Variants in DOCK5 observed in about 807,000 individuals in gnomAD.
DOCK5 encodes the protein dedicator of cytokinesis 5, also known as dedicator of cytokinesis protein 5.
In DOCK5, 142 loss-of-function variants were observed where a neutral mutation model predicts 251.8. That is an observed-to-expected ratio of 0.56 (90% CI 0.49 to 0.65). The LOEUF is 0.65. Ranked by LOEUF, DOCK5 falls within the 30% of genes least tolerant of loss-of-function variation. The pLI is 0.00. For missense variants in DOCK5, 2,111 were observed against 2,312.3 expected, an observed-to-expected ratio of 0.91 and a Z score of 1.79; for synonymous variants, 842 against 835.5, an observed-to-expected ratio of 1.01 and a Z score of -0.13.
intron 26 of DOCK5, among the ~76,000 whole-genome samples, chr8:25,351,186 T>A (rs1425158933): frequency 6.6e-6 from 1 of 152,116 alleles, no homozygotes; most frequent in Non-Finnish European, 1.5e-5. Flanking sequence ...GCCTCCCGAT[T>A]AGCTGGGACT....
chr8:25,278,178 C>CCA (rs1804097542), intron 4 of DOCK5, among the ~76,000 whole-genome samples: 1 of 152,180 alleles, frequency 6.6e-6, no homozygotes, highest in East Asian at 1.9e-4. Flanking sequence ...GACACTCGTG[C>CCA]CACACACACC....
intron 13 of DOCK5, among the ~76,000 whole-genome samples, chr8:25,311,011 T>C (rs1449365753): frequency 2.0e-5 from 3 of 152,174 alleles, no homozygotes; most frequent in Non-Finnish European, 2.9e-5. Flanking sequence ...GGCGCCTTGC[T>C]CTCTCCATTC....
chr8:25,225,568 T>C (rs1215351941), intron 1 of DOCK5, among the ~76,000 whole-genome samples: 1 of 151,968 alleles, frequency 6.6e-6, no homozygotes, highest in Non-Finnish European at 1.5e-5. Flanking sequence ...TAGCCGGGCG[T>C]GGTGGTGGGC....
chr8:25,272,084 A>G (rs1459813891), intron 3 of DOCK5, among the ~76,000 whole-genome samples: 1 of 152,244 alleles, frequency 6.6e-6, no homozygotes, highest in East Asian at 1.9e-4. Flanking sequence ...GCTGGAGTAC[A>G]GTGGCGTGAT....
In DOCK5 at chr8:25,323,593, C is replaced by T. The variant is rs1394392768; in HGVS notation, c.1616-255C>T. Among the ~76,000 whole-genome samples, 6 of 152,258 alleles carry T rather than the reference C, an allele frequency of 3.9e-5. No individual in the cohort carries two copies. The South Asian group carries it at 8.3e-4, about 21-fold the overall frequency. On this transcript the variant is annotated intron_variant, in intron 16 of 51. Transcript: ENST00000276440. The stretch of plus-strand genomic sequence containing the variant: ...TGACGTGGGGTGGAGTTGGTGTCAA[C>T]ACCCACATTTCTGATTTGGATGACT...
intron 17 of DOCK5, among the ~76,000 whole-genome samples, chr8:25,324,550 T>C (rs1805511622): frequency 1.3e-5 from 2 of 152,254 alleles, no homozygotes; most frequent in Non-Finnish European, 2.9e-5. Context: ...TGCATCTACC[T>C]GAGGAATATT....
At chr8:25,233,007 G>C (rs1039171374) in intron 1 of DOCK5, among the ~76,000 whole-genome samples, 3 of 151,990 alleles carry the variant, frequency 2.0e-5, no homozygotes, top group Admixed American at 2.0e-4. Flanking sequence ...TAAAGACTTG[G>C]GGAACCTTCT....
intron 13 of DOCK5, among the ~76,000 whole-genome samples, chr8:25,314,108 CTTTTTTTT>C (rs71214561): frequency 8.7e-6 from 1 of 115,246 alleles, no homozygotes. Context: ...GGACTCCCCT[CTTTTTTTT>C]TTTTTTTTTT....
At position 25,321,121 on chromosome 8, in the gene DOCK5, G is replaced by A; in HGVS notation, c.1615+69G>A. On this transcript the variant is annotated intron_variant, in intron 16 of 51. Transcript: ENST00000276440. ...TTTGCTCTGGCTTGACAGCCATCTT[G>A]TGAAGCTGGAGAACAAGATATTTGG... 3 of 1,333,622 alleles carry A rather than the reference G, an allele frequency of 2.2e-6. No homozygotes were observed. In the South Asian group the frequency reaches 3.7e-5, roughly 16 times the overall value. 82.6% of individuals were successfully genotyped at this position (1,333,622 alleles called of 1,614,324 possible).
chr8:25,341,647 C>G, intron 23 of DOCK5, 92 bp from the exon 24 acceptor site: 1 of 1,092,438 alleles, frequency 9.2e-7, no homozygotes, highest in East Asian at 2.6e-5. Flanking sequence ...TATATAAGTT[C>G]CAAGCACAGC....
At chr8:25,318,429 T>G (rs1805321345) in intron 14 of DOCK5, among the ~76,000 whole-genome samples, 1 of 151,456 alleles carries the variant, frequency 6.6e-6, no homozygotes, top group Non-Finnish European at 1.5e-5. Context: ...TTTCTTTTCT[T>G]TTCTTTTTTT....
At chr8:25,247,488 T>C (rs1485296145) in intron 2 of DOCK5, among the ~76,000 whole-genome samples, 3 of 152,052 alleles carry the variant, frequency 2.0e-5, no homozygotes, top group Non-Finnish European at 4.4e-5. Flanking sequence ...TCTCAGCTAC[T>C]TGGGAGGCTA....
intron 1 of DOCK5, among the ~76,000 whole-genome samples, chr8:25,194,985 A>G (rs1442549211): frequency 1.3e-5 from 2 of 151,924 alleles, no homozygotes; most frequent in South Asian, 2.1e-4. Flanking sequence ...TAGTGGCGCA[A>G]TCTTGGCTCA....
chr8:25,332,755 C>A, intron 20 of DOCK5, 63 bp downstream of exon 20: 1 of 1,222,290 alleles, frequency 8.2e-7, no homozygotes. Flanking sequence ...CAATATTTCA[C>A]TATTATAAGT....
chr8:25,411,119 G>A, intron 51 of DOCK5, 75 bp from the exon 52 acceptor site: 1 of 1,417,430 alleles, frequency 7.1e-7, no homozygotes, highest in Non-Finnish European at 9.3e-7. Flanking sequence ...AGCAGAATAT[G>A]AGAAATAGGA....
At chr8:25,245,052 TTTTA>T (rs1456856916) in intron 2 of DOCK5, among the ~76,000 whole-genome samples, 1 of 152,144 alleles carries the variant, frequency 6.6e-6, no homozygotes, top group African/African-American at 2.4e-5. Context: ...CTTCCAATCT[TTTTA>T]TTTATTTATT....
At chr8:25,365,414 GTTCTTGACGT>G (rs1236887852) in intron 30 of DOCK5, among the ~76,000 whole-genome samples, 1 of 152,212 alleles carries the variant, frequency 6.6e-6, no homozygotes, top group Non-Finnish European at 1.5e-5. Flanking sequence ...GATTGTCCAA[GTTCTTGACGT>G]TTTGAACAAA....
At chr8:25,321,123 G>GCTTCAC in intron 16 of DOCK5, 71 bp downstream of exon 16, 3 of 1,272,576 alleles carry the variant, frequency 2.4e-6, no homozygotes, top group Non-Finnish European at 2.2e-6. Context: ...GCCATCTTGT[G>GCTTCAC]AAGCTGGAGA....
intron 18 of DOCK5, 22 bp downstream of exon 18, chr8:25,325,569 A>T (rs1230868512): frequency 6.2e-7 from 1 of 1,609,982 alleles, no homozygotes; most frequent in African/African-American, 1.3e-5. Flanking sequence ...GAATACACTG[A>T]CACAAATAAG....
Sources: gnomAD v4.1 joint callset for allele counts (sites outside exome capture counted in the v4.1 genomes callset) on GRCh38, gnomAD v4.1.1 for gene constraint, MANE v1.5 for transcripts, NCBI Gene and HGNC (gene_info 2026-07-23, HGNC 2026-07-21) for gene names.